The following PCDHGA2 variants were observed in gnomAD, a reference collection of about 807,000 sequenced individuals.
The protein encoded by PCDHGA2 is protocadherin gamma subfamily A, 2, also known as protocadherin gamma-A2.
A neutral mutation model predicts 59.2 loss-of-function variants in PCDHGA2; 40 were observed. The observed-to-expected ratio is 0.68, with a 90% CI of 0.52 to 0.88. The LOEUF is 0.88. Ranked by LOEUF, PCDHGA2 falls within the 40% of genes least tolerant of loss-of-function variation. PCDHGA2 has a pLI of 0.00. For synonymous variants in PCDHGA2, 560 were observed against 526.0 expected, an observed-to-expected ratio of 1.06 and a Z score of -0.89; for missense variants, 1,226 against 1,204.0, an observed-to-expected ratio of 1.02 and a Z score of -0.27.
In PCDHGA2 at chr5:141,432,716, C is replaced by G. The variant is rs1417017747; in HGVS notation, c.2425-62091C>G. ...GGCCGTCCAGGACCACGGCCAGCCC[C>G]CTCTCTCCGCCACTGTCACGCTCAC... On this transcript the variant is annotated intron_variant, in intron 1 of 3. Coordinates refer to ENST00000394576, the MANE Select transcript of PCDHGA2 (RefSeq NM_018915.4). This position sits in a 1 kb window ranked among gnomAD's most constrained non-coding sequence, Gnocchi z 6.0. 5.6e-6 allele frequency: 9 copies of G among 1,613,912 alleles called. No individual in the cohort carries two copies. Among genetic ancestry groups the G allele is most frequent in the Non-Finnish European group, 7.6e-6 (9 of 1,179,990 alleles).
At chr5:141,405,498 C>T in intron 1 of PCDHGA2, 2 of 784,948 alleles carry the variant, frequency 2.5e-6, no homozygotes, top group Admixed American at 2.7e-5. Flanking sequence ...CGGCTCATTG[C>T]AACCTCCGCC....
chr5:141,375,599 T>A (rs1352335566), intron 1 of PCDHGA2: 1 of 1,614,126 alleles, frequency 6.2e-7, no homozygotes, highest in East Asian at 2.2e-5. Context: ...CTCCTACGTG[T>A]CCATCAACTC....
chr5:141,420,920 A>G, intron 1 of PCDHGA2: 1 of 338,894 alleles, frequency 3.0e-6, no homozygotes, highest in Middle Eastern at 8.3e-4. Flanking sequence ...GTGATTCACA[A>G]AGGTGAGCGT....
intron 1 of PCDHGA2, chr5:141,441,801 G>A (rs954094882): frequency 7.8e-6 from 3 of 384,492 alleles, no homozygotes; most frequent in African/African-American, 4.4e-5. Flanking sequence ...CGCACCGCGG[G>A]TGCTGTACCC....
intron 1 of PCDHGA2, chr5:141,374,786 G>A (rs1476058358): frequency 1.2e-6 from 2 of 1,613,912 alleles, no homozygotes; most frequent in Admixed American, 1.7e-5. Flanking sequence ...AGTTCTAGAT[G>A]TGAATGACAA....
chr5:141,444,377 G>A (rs1035830834), intron 1 of PCDHGA2, among the ~76,000 whole-genome samples: 3 of 151,802 alleles, frequency 2.0e-5, no homozygotes, highest in Non-Finnish European at 4.4e-5. Context: ...CTCCATGTTG[G>A]TCAGGCTAGT....
chr5:141,357,704 T>C (rs745493003), intron 1 of PCDHGA2: 63 of 1,496,340 alleles, frequency 4.2e-5, no homozygotes, highest in Non-Finnish European at 5.5e-5. Flanking sequence ...ATATGTAATA[T>C]ATCAAATAAA....
rs563876979 is a variant in PCDHGA2, at chr5:141,417,900, G to A, written c.2424+76505G>A. 5 of 1,583,452 alleles carry A rather than the reference G, an allele frequency of 3.2e-6. No individual in the cohort carries two copies. Among genetic ancestry groups the A allele is most frequent in the South Asian group, 2.3e-5 (2 of 88,062 alleles). On this transcript the variant is annotated intron_variant, in intron 1 of 3. Coordinates refer to ENST00000394576, the MANE Select transcript of PCDHGA2 (RefSeq NM_018915.4). ...GCGCAGAGGCGCCGGGCCGGCCCGC[G>A]GCAGGTACTATTTCCTTTGCTGCTG...
intron 1 of PCDHGA2, chr5:141,342,008 T>G (rs1226500641): frequency 1.3e-5 from 2 of 154,162 alleles, no homozygotes; most frequent in African/African-American, 2.4e-5. Flanking sequence ...GGCTTAGTTT[T>G]AAAAATCACA....
chr5:141,383,273 A>G, intron 1 of PCDHGA2: 1 of 1,613,960 alleles, frequency 6.2e-7, no homozygotes, highest in Non-Finnish European at 8.5e-7. Flanking sequence ...GAAATAATAG[A>G]TATTAATGAC....
At chr5:141,426,492 T>A (rs1439487321) in intron 1 of PCDHGA2, 11 of 336,712 alleles carry the variant, frequency 3.3e-5, no homozygotes, top group South Asian at 2.6e-4. Flanking sequence ...TTAGAGTTAG[T>A]GCAGAGAAAC....
At chr5:141,372,180 G>C in intron 1 of PCDHGA2, 1 of 1,613,652 alleles carries the variant, frequency 6.2e-7, no homozygotes, top group South Asian at 1.1e-5. Flanking sequence ...GGCGGTGGAC[G>C]CAGACTCGGG....
chr5:141,510,221 C>T lies in PCDHGA2; in HGVS notation c.2573-726C>T, dbSNP rs891359580. On this transcript the variant is annotated intron_variant, in intron 3 of 3. Transcript: ENST00000394576. The stretch of plus-strand genomic sequence containing the variant: ...CCAGGAGGCAGAGGTTGCAGTGAGC[C>T]GGGATCGCGCCACTGCACTCCAGGC... Among the ~76,000 whole-genome samples, 12 of 150,616 alleles carry T rather than the reference C, an allele frequency of 8.0e-5. No homozygotes were observed. In the East Asian group the frequency reaches 1.2e-3, roughly 15 times the overall value.
At chr5:141,504,236 C>A (rs1011850372) in intron 2 of PCDHGA2, among the ~76,000 whole-genome samples, 2 of 152,194 alleles carry the variant, frequency 1.3e-5, no homozygotes, top group African/African-American at 4.8e-5. Flanking sequence ...TTCTAAGAAG[C>A]AGAGAGTTCT....
chr5:141,491,291 C>T lies in PCDHGA2; in HGVS notation c.2425-3516C>T. 1 of 1,614,152 alleles carries T rather than the reference C, an allele frequency of 6.2e-7. No homozygotes were observed. The highest frequency in any genetic ancestry group is 8.5e-7 in the Non-Finnish European group (1 of 1,179,974). On this transcript the variant is annotated intron_variant, in intron 1 of 3. Coordinates refer to ENST00000394576, the MANE Select transcript of PCDHGA2 (RefSeq NM_018915.4). This position sits in a 1 kb window ranked among gnomAD's most constrained non-coding sequence, Gnocchi z 6.9. The stretch of plus-strand genomic sequence containing the variant: ...AAATCCAGTGACTTCCTCATACACC[C>T]TCCTGAGCGTTCAGACCTTACCCTT...
At chr5:141,357,159 T>A (rs372439046) in intron 1 of PCDHGA2, 31 of 1,613,408 alleles carry the variant, frequency 1.9e-5, no homozygotes, top group African/African-American at 6.7e-5. Context: ...GCCAGCCCCC[T>A]CTCTCGGCCA....
intron 1 of PCDHGA2, among the ~76,000 whole-genome samples, chr5:141,458,336 GA>G (rs762646440): frequency 1.3e-5 from 2 of 152,118 alleles, no homozygotes; most frequent in Non-Finnish European, 2.9e-5. Context: ...TGGTTTTAAG[GA>G]GTGGAGAGTT....
intron 1 of PCDHGA2, among the ~76,000 whole-genome samples, chr5:141,467,824 G>A (rs1272399938): frequency 2.0e-5 from 3 of 151,798 alleles, no homozygotes; most frequent in Non-Finnish European, 4.4e-5. Flanking sequence ...ACACCAGGCT[G>A]ATTTTTATAT....
chr5:141,351,392 G>C (rs767660547), intron 1 of PCDHGA2: 29 of 1,611,590 alleles, frequency 1.8e-5, no homozygotes, highest in Non-Finnish European at 2.2e-5. Flanking sequence ...AAATGGCATG[G>C]TGACATGCTA....
Sources: allele counts gnomAD v4.1 joint callset (sites outside exome capture counted in the v4.1 genomes callset), GRCh38; gene constraint gnomAD v4.1.1; non-coding constraint Gnocchi (gnomAD v3.1); transcripts MANE v1.5; gene names NCBI Gene and HGNC (gene_info 2026-07-23, HGNC 2026-07-21).